TIAM2: variants seen among roughly 807,000 people sequenced by gnomAD.
TIAM2 encodes rho guanine nucleotide exchange factor TIAM2.
A neutral mutation model predicts 152.9 loss-of-function variants in TIAM2; 80 were observed. That is an observed-to-expected ratio of 0.52 (90% CI 0.44 to 0.63). The LOEUF is 0.63. Among genes scored for constraint, TIAM2 ranks in the 30% least tolerant of loss-of-function variants. The pLI is 0.00. For missense variants in TIAM2, 1,965 were observed against 2,120.1 expected, an observed-to-expected ratio of 0.93 and a Z score of 1.44; for synonymous variants, 804 against 838.0, an observed-to-expected ratio of 0.96 and a Z score of 0.70.
At chr6:155,012,497 C>T (rs1384524612) in intron 1 of TIAM2, among the ~76,000 whole-genome samples, 1 of 152,174 alleles carries the variant, frequency 6.6e-6, no homozygotes, top group Non-Finnish European at 1.5e-5. Context: ...TATAGGGTAT[C>T]TTACAGAATT....
intron 20 of TIAM2, among the ~76,000 whole-genome samples, chr6:155,249,510 T>A (rs1783529408): frequency 6.6e-6 from 1 of 152,194 alleles, no homozygotes; most frequent in Non-Finnish European, 1.5e-5. Flanking sequence ...AGTCTTTGAG[T>A]TATTGCGGGC....
At chr6:155,253,161 T>C (rs1198236070) in intron 24 of TIAM2, 108 bp downstream of exon 24, 1 of 906,292 alleles carries the variant, frequency 1.1e-6, no homozygotes, top group Admixed American at 2.2e-5. Flanking sequence ...CCTTTTATTT[T>C]ATAGACAAGG....
At chr6:155,228,342 CT>C (rs1384094687) in intron 15 of TIAM2, among the ~76,000 whole-genome samples, 2 of 152,136 alleles carry the variant, frequency 1.3e-5, no homozygotes, top group East Asian at 3.8e-4. Flanking sequence ...CACATTTTGT[CT>C]TCAAATAAAG....
chr6:155,158,251 T>G (rs932168316), intron 7 of TIAM2, among the ~76,000 whole-genome samples: 6 of 152,210 alleles, frequency 3.9e-5, no homozygotes, highest in Admixed American at 6.5e-5. Flanking sequence ...CATTATTCAT[T>G]TGTTATTTTT....
chr6:155,165,797 A>C (rs2115102456), intron 9 of TIAM2, among the ~76,000 whole-genome samples: 1 of 152,242 alleles, frequency 6.6e-6, no homozygotes, highest in Admixed American at 6.5e-5. Context: ...CAAAAATAAA[A>C]ATGAAAATAA....
chr6:155,169,745 T>C (rs1780533387), intron 9 of TIAM2, among the ~76,000 whole-genome samples: 1 of 152,210 alleles, frequency 6.6e-6, no homozygotes, highest in Non-Finnish European at 1.5e-5. Flanking sequence ...CAGATGTGCC[T>C]ATGCCTCTTC....
chr6:155,007,664 C>T (rs1778423471), intron 1 of TIAM2, among the ~76,000 whole-genome samples: 1 of 152,092 alleles, frequency 6.6e-6, no homozygotes, highest in African/African-American at 2.4e-5. Flanking sequence ...CAATAAAGGC[C>T]ATTTCCTGAG....
Position 155,256,963 on chromosome 6 carries a change from C to G in TIAM2, c.4948C>G (p.Leu1650Val). The change falls in exon 27 of 27, where the codon CTC becomes GTC. Residue 1650 changes from leucine (L) to valine (V), a missense_variant. This residue lies in a region of TIAM2 where 935 missense variants were observed against 980.0 expected (regional missense o/e 0.95). Coordinates refer to ENST00000682666, the MANE Select transcript of TIAM2 (RefSeq NM_012454.4). The stretch of plus-strand genomic sequence containing the variant: ...CACCAAGAGGGACAGAGGAACTTTG[C>G]TCAAGGCGCAGATCCGTCACCAGTC... ...NSTKRDRGTL[L>V]KAQIRHQSLD... The G allele has an allele frequency of 6.2e-7, 1 of 1,614,188 alleles. No individual in the cohort carries two copies. The highest frequency in any genetic ancestry group is 8.5e-7 in the Non-Finnish European group (1 of 1,180,038).
At chr6:155,073,441 G>A (rs1169933684) in intron 1 of TIAM2, among the ~76,000 whole-genome samples, 1 of 152,188 alleles carries the variant, frequency 6.6e-6, no homozygotes, top group Non-Finnish European at 1.5e-5. Flanking sequence ...GGGATTACAG[G>A]TGTGAGCCAC....
At chr6:155,239,885 C>T (rs892524168) in intron 15 of TIAM2, among the ~76,000 whole-genome samples, 5 of 152,032 alleles carry the variant, frequency 3.3e-5, no homozygotes, top group Non-Finnish European at 5.9e-5. Flanking sequence ...GGGCTCTGCA[C>T]CCCTTTAGGG....
intron 1 of TIAM2, among the ~76,000 whole-genome samples, chr6:155,017,960 G>A (rs751299098): frequency 1.5e-4 from 23 of 152,202 alleles, no homozygotes; most frequent in Non-Finnish European, 3.2e-4. Context: ...TGTGCTGTGA[G>A]TGTAACATAC....
intron 1 of TIAM2, among the ~76,000 whole-genome samples, chr6:155,044,910 T>G (rs1777132347): frequency 6.6e-6 from 1 of 152,190 alleles, no homozygotes; most frequent in African/African-American, 2.4e-5. Flanking sequence ...TGTTTTTCAG[T>G]GTTATCTTTC....
intron 14 of TIAM2, among the ~76,000 whole-genome samples, chr6:155,199,335 C>T (rs956154691): frequency 4.6e-5 from 7 of 152,146 alleles, no homozygotes; most frequent in African/African-American, 1.7e-4. Flanking sequence ...ACCTCGGCCT[C>T]CCAAAGTGCT....
intron 14 of TIAM2, among the ~76,000 whole-genome samples, chr6:155,195,230 C>T (rs781770182): frequency 7.9e-5 from 12 of 152,236 alleles, no homozygotes; most frequent in African/African-American, 1.7e-4. Context: ...AGATTGAATC[C>T]GGGTGCAAAT....
intron 1 of TIAM2, among the ~76,000 whole-genome samples, chr6:155,028,339 A>G (rs573749945): frequency 1.6e-5 from 2 of 126,074 alleles, no homozygotes; most frequent in South Asian, 2.4e-4. Flanking sequence ...CATATAATAT[A>G]TACTGTGTTA....
chr6:155,249,352 C>A (rs1321755567), intron 20 of TIAM2, among the ~76,000 whole-genome samples: 1 of 152,178 alleles, frequency 6.6e-6, no homozygotes, highest in African/African-American at 2.4e-5. Flanking sequence ...ATCCGGGTTC[C>A]CAGAAGGGCA....
chr6:155,029,178 CTA>C lies in TIAM2; in HGVS notation c.-209+33688_-209+33689del, dbSNP rs1358062069. ...CTATGTGTTATATACACTATATGTA[CTA>C]TGTGTTATATACACTGTATGTACTA... On this transcript the variant is annotated intron_variant, in intron 1 of 26. Transcript: ENST00000682666. 1.7e-4 allele frequency among the ~76,000 whole-genome samples: 15 copies of C among 89,348 alleles called. 2 individuals are homozygous for C. Among genetic ancestry groups the C allele is most frequent in the African/African-American group, 5.6e-4 (14 of 25,200 alleles). 58.6% of individuals were successfully genotyped at this position (89,348 alleles called of 152,430 possible).
chr6:155,017,781 G>T (rs958977737), intron 1 of TIAM2, among the ~76,000 whole-genome samples: 2 of 152,072 alleles, frequency 1.3e-5, no homozygotes, highest in Non-Finnish European at 2.9e-5. Flanking sequence ...GGGATTACAG[G>T]TGTGAGCCAC....
chr6:155,125,880 C>T (rs1779283442), intron 2 of TIAM2, among the ~76,000 whole-genome samples: 2 of 151,932 alleles, frequency 1.3e-5, no homozygotes, highest in South Asian at 4.2e-4. Flanking sequence ...ATAGAATAAC[C>T]TAAGTGGTGT....
Sources: gnomAD v4.1 joint callset for allele counts (sites outside exome capture counted in the v4.1 genomes callset) on GRCh38, gnomAD v4.1.1 for gene constraint, gnomAD v4.1.1 regional missense constraint, MANE v1.5 for transcripts, NCBI Gene and HGNC (gene_info 2026-07-23, HGNC 2026-07-21) for gene names.